OAS1: variants seen among roughly 807,000 people sequenced by gnomAD.
OAS1 encodes 2'-5'-oligoadenylate synthetase 1, also known as 2'-5'-oligoadenylate synthase 1.
OAS1 carries 24 observed loss-of-function variants against 38.5 expected under a neutral mutation model. The observed-to-expected ratio is 0.62, with a 90% CI of 0.45 to 0.88. The LOEUF is 0.88. Ranked by LOEUF, OAS1 falls within the 40% of genes least tolerant of loss-of-function variation. The pLI is 0.00. For missense variants in OAS1, 482 were observed against 493.9 expected (o/e 0.98, Z 0.23); for synonymous variants, 169 against 193.9 (o/e 0.87, Z 1.07).
chr12:112,921,206 CT>C (rs1038107263), downstream of OAS1, among the ~76,000 whole-genome samples: 1 of 152,170 alleles, frequency 6.6e-6, no homozygotes, highest in Admixed American at 6.5e-5. Flanking sequence ...CAGAAAAACC[CT>C]CACAGATACA....
chr12:112,924,593 G>A (rs1348897658), downstream of OAS1, among the ~76,000 whole-genome samples: 11 of 151,970 alleles, frequency 7.2e-5, no homozygotes, highest in African/African-American at 2.2e-4. Context: ...GTCTTTCATG[G>A]TTTTTGTCAT....
downstream of OAS1, among the ~76,000 whole-genome samples, chr12:112,924,466 T>TTATA (rs56117205): frequency 3.5e-4 from 53 of 150,834 alleles, 1 homozygote; most frequent in Admixed American, 7.9e-4. Flanking sequence ...CATCTATATT[T>TTATA]TATATATATA....
At chr12:112,932,698 C>T (rs1285411545), downstream of OAS1, 1 of 152,234 alleles carries the variant, frequency 6.6e-6, no homozygotes, top group African/African-American at 2.4e-5. Flanking sequence ...CTTTGCTAAG[C>T]CTATGAATGC....
chr12:112,921,908 C>T (rs1470850206), downstream of OAS1, among the ~76,000 whole-genome samples: 4 of 152,140 alleles, frequency 2.6e-5, no homozygotes, highest in Non-Finnish European at 1.5e-5. Context: ...CGGGTAGTGT[C>T]TTTTACCAAG....
downstream of OAS1, among the ~76,000 whole-genome samples, chr12:112,920,184 A>G (rs924710085): frequency 3.3e-5 from 5 of 152,220 alleles, no homozygotes; most frequent in African/African-American, 1.2e-4. Flanking sequence ...TTAATGTTAG[A>G]TGGTTTTCCT....
At chr12:112,926,372 A>G (rs1341664371) in intron 6 of OAS1, among the ~76,000 whole-genome samples, 1 of 152,226 alleles carries the variant, frequency 6.6e-6, no homozygotes, top group African/African-American at 2.4e-5. Flanking sequence ...GGGGGAAACC[A>G]GCCCCCGATA....
chr12:112,932,474 T>A (rs1185947247), downstream of OAS1: 2 of 152,612 alleles, frequency 1.3e-5, no homozygotes, highest in Non-Finnish European at 2.9e-5. Flanking sequence ...GCCCCTGTAA[T>A]CCCAGCTAAT....
downstream of OAS1, chr12:112,932,699 C>T (rs1207937440): frequency 6.6e-6 from 1 of 152,270 alleles, no homozygotes; most frequent in African/African-American, 2.4e-5. Context: ...TTTGCTAAGC[C>T]TATGAATGCA....
chr12:112,933,097 A>G (rs1047137659), downstream of OAS1: 3 of 152,220 alleles, frequency 2.0e-5, no homozygotes, highest in Non-Finnish European at 2.9e-5. Context: ...CTCCTGGAAG[A>G]ACACACTGTC....
In OAS1 at chr12:112,919,735, T is replaced by C; in HGVS notation, c.*182T>C. ...CCCTCTATCCTATCATAGATAACAT[T>C]CTCCACAGCCTCACTTCATTCCACC... On this transcript the variant is annotated 3_prime_UTR_variant, in exon 6 of 6. Transcript: ENST00000202917. 6.7e-7 allele frequency: 1 copy of C among 1,484,584 alleles called. No individual in the cohort carries two copies. The highest frequency in any genetic ancestry group is 9.0e-7 in the Non-Finnish European group (1 of 1,113,040). The allele number at this position is 1,484,584 out of a possible 1,614,324, so 92.0% of individuals were successfully genotyped here.
At chr12:112,910,984 C>A in intron 2 of OAS1, 67 bp from the exon 3 acceptor site, 1 of 1,438,292 alleles carries the variant, frequency 7.0e-7, no homozygotes, top group Non-Finnish European at 9.6e-7. Flanking sequence ...GGAGATTGTC[C>A]CCTCAGAGTG....
downstream of OAS1, among the ~76,000 whole-genome samples, chr12:112,920,554 T>G (rs2043522921): frequency 6.6e-6 from 1 of 152,248 alleles, no homozygotes; most frequent in African/African-American, 2.4e-5. Flanking sequence ...TGTGTTATAT[T>G]ATGTATTTCT....
chr12:112,908,377 C>G (rs1275765359), intron 1 of OAS1, among the ~76,000 whole-genome samples, 159 bp from the exon 2 acceptor site: 1 of 152,162 alleles, frequency 6.6e-6, no homozygotes. Context: ...TAATGGCATC[C>G]AAATCATAGC....
intron 1 of OAS1, 28 bp from the exon 2 acceptor site, chr12:112,908,508 C>T: frequency 6.3e-7 from 1 of 1,592,748 alleles, no homozygotes; most frequent in Non-Finnish European, 8.5e-7. Context: ...CACTAAGCAT[C>T]AATTATTATT....
intron 5 of OAS1, chr12:112,918,982 G>A (rs1182974962): frequency 3.7e-6 from 1 of 268,052 alleles, no homozygotes; most frequent in Non-Finnish European, 7.5e-6. Flanking sequence ...AGAAAGGATA[G>A]GAAGGAAGCA....
chr12:112,922,435 G>A (rs900532713), downstream of OAS1, among the ~76,000 whole-genome samples: 3 of 152,146 alleles, frequency 2.0e-5, no homozygotes, highest in Non-Finnish European at 4.4e-5. Flanking sequence ...AGGCCACATT[G>A]TGTTAACCAG....
At position 112,908,035 on chromosome 12, in the gene OAS1, CTG is replaced by C. The variant is rs1233976639; in HGVS notation, c.181-498_181-497del. ...AGCGCTGCTTCTCTTGTATGTATAA[CTG>C]TGGATTTGTTTTAGGTAAGTCCCAC... On this transcript the variant is annotated intron_variant, in intron 1 of 5. Transcript: ENST00000202917. 3.3e-5 allele frequency among the ~76,000 whole-genome samples: 5 copies of C among 152,320 alleles called. No individual in the cohort carries two copies. In the East Asian group the frequency reaches 7.7e-4, roughly 23 times the overall value.
chr12:112,918,530 G>A, intron 5 of OAS1: 1 of 384,414 alleles, frequency 2.6e-6, no homozygotes, highest in Non-Finnish European at 5.3e-6. Context: ...TGGGTTGAAT[G>A]GACATTCTAC....
At chr12:112,925,497 C>G (rs760602507) in intron 6 of OAS1, among the ~76,000 whole-genome samples, 2 of 152,210 alleles carry the variant, frequency 1.3e-5, no homozygotes, top group East Asian at 1.9e-4. Context: ...ACTTACCTAA[C>G]TCCTTGGTGA....
Sources: allele counts gnomAD v4.1 joint callset (sites outside exome capture counted in the v4.1 genomes callset), GRCh38; gene constraint gnomAD v4.1.1; transcripts MANE v1.5; gene names NCBI Gene and HGNC (gene_info 2026-07-23, HGNC 2026-07-21).